Variants in KCTD1 observed in about 807,000 individuals in gnomAD.
KCTD1 encodes the protein potassium channel tetramerization domain containing 1.
In KCTD1, 24 loss-of-function variants were observed where a neutral mutation model predicts 66.0. The observed-to-expected ratio is 0.36, with a 90% confidence interval of 0.26 to 0.51. The LOEUF is 0.51. KCTD1 is among the 20% of genes least tolerant of loss of function. The pLI is 0.95. For missense variants in KCTD1, 943 were observed against 1,205.2 expected (o/e 0.78, Z 3.22); for synonymous variants, 511 against 517.2 (o/e 0.99, Z 0.16).
chr18:26,474,852 CT>C (rs1309686502), intron 3 of KCTD1, among the ~76,000 whole-genome samples: 3 of 151,986 alleles, frequency 2.0e-5, no homozygotes, highest in African/African-American at 7.3e-5. Flanking sequence ...TTAGAAATTT[CT>C]TTGTATTTTT....
chr18:26,545,080 T>C (rs1281909541), intron 1 of KCTD1: 1 of 152,216 alleles, frequency 6.6e-6, no homozygotes, highest in African/African-American at 2.4e-5. Flanking sequence ...TTATATTTTG[T>C]GGTTCTTTAC....
At chr18:26,587,588 A>T (rs1243261165) in intron 1 of KCTD1, among the ~76,000 whole-genome samples, 2 of 152,236 alleles carry the variant, frequency 1.3e-5, no homozygotes, top group African/African-American at 4.8e-5. Context: ...AAGTAAACTG[A>T]AAATATTCTG....
chr18:26,625,688 T>C (rs1203934121), intron 1 of KCTD1, among the ~76,000 whole-genome samples: 1 of 152,242 alleles, frequency 6.6e-6, no homozygotes, highest in African/African-American at 2.4e-5. Context: ...TGTTGTAATG[T>C]CCTATAACAT....
At chr18:26,535,252 G>A (rs1434028575) in intron 1 of KCTD1, among the ~76,000 whole-genome samples, 3 of 152,130 alleles carry the variant, frequency 2.0e-5, no homozygotes, top group African/African-American at 7.2e-5. Flanking sequence ...AACTGCATCA[G>A]AACTGCATTC....
chr18:26,633,277 T>C (rs997643958), upstream of KCTD1, among the ~76,000 whole-genome samples: 5 of 152,118 alleles, frequency 3.3e-5, no homozygotes, highest in Non-Finnish European at 7.4e-5. Context: ...TGAAATAAAG[T>C]AAAATTAAAT....
intron 1 of KCTD1, chr18:26,600,102 G>A: frequency 6.2e-7 from 1 of 1,610,856 alleles, no homozygotes. Context: ...CTTCCCTGCA[G>A]GCTGCTTCTT....
intron 3 of KCTD1, among the ~76,000 whole-genome samples, chr18:26,467,376 T>G (rs937490780): frequency 1.3e-5 from 2 of 151,872 alleles, no homozygotes; most frequent in African/African-American, 4.8e-5. Context: ...ACTAGCTGAG[T>G]GTGGTGGTGC....
At chr18:26,613,891 C>T (rs1987190850) in intron 1 of KCTD1, among the ~76,000 whole-genome samples, 2 of 152,212 alleles carry the variant, frequency 1.3e-5, no homozygotes, top group African/African-American at 4.8e-5. Flanking sequence ...CAGATATTTA[C>T]ATGGCTCACC....
intron 1 of KCTD1, among the ~76,000 whole-genome samples, chr18:26,569,592 G>A (rs1007335546): frequency 1.1e-4 from 17 of 152,174 alleles, no homozygotes; most frequent in Admixed American, 3.9e-4. Context: ...TGGGGGGTGC[G>A]GGGTGCACAT....
intron 1 of KCTD1, among the ~76,000 whole-genome samples, chr18:26,638,445 G>A (rs1176144913): frequency 1.3e-5 from 2 of 152,248 alleles, no homozygotes; most frequent in Non-Finnish European, 2.9e-5. Context: ...CAAGAGATCT[G>A]CTGGCTGTTC....
At chr18:26,605,253 A>G (rs773030354) in intron 1 of KCTD1, among the ~76,000 whole-genome samples, 2 of 152,164 alleles carry the variant, frequency 1.3e-5, no homozygotes, top group Non-Finnish European at 2.9e-5. Flanking sequence ...GCTGTCTACA[A>G]TCGAGGGTCT....
intron 3 of KCTD1, among the ~76,000 whole-genome samples, chr18:26,472,394 T>C (rs1981117894): frequency 1.3e-5 from 2 of 152,106 alleles, no homozygotes; most frequent in South Asian, 4.1e-4. Flanking sequence ...ACTTCTTTTT[T>C]GACAACTTTA....
At chr18:26,581,413 A>G (rs929770015) in intron 1 of KCTD1, 1 of 152,176 alleles carries the variant, frequency 6.6e-6, no homozygotes. Flanking sequence ...ACACACCATC[A>G]TGCCTGGCTA....
chr18:26,562,025 A>G (rs1470188485), intron 1 of KCTD1, among the ~76,000 whole-genome samples: 1 of 152,146 alleles, frequency 6.6e-6, no homozygotes, highest in African/African-American at 2.4e-5. Flanking sequence ...ATAGTTAATC[A>G]GCCCTGTCTT....
chr18:26,461,785 CA>C (rs1267318907), intron 3 of KCTD1, among the ~76,000 whole-genome samples: 1 of 152,152 alleles, frequency 6.6e-6, no homozygotes, highest in African/African-American at 2.4e-5. Context: ...GATTTAATTA[CA>C]AAACTTAGCA....
At chr18:26,488,618 A>G (rs1982035124) in intron 2 of KCTD1, among the ~76,000 whole-genome samples, 1 of 152,230 alleles carries the variant, frequency 6.6e-6, no homozygotes, top group South Asian at 2.1e-4. Flanking sequence ...CCCTTCAGCT[A>G]TGAAGCCCTC....
intron 1 of KCTD1, among the ~76,000 whole-genome samples, chr18:26,612,502 C>T (rs965664947): frequency 7.9e-5 from 12 of 152,126 alleles, no homozygotes; most frequent in East Asian, 1.9e-4. Flanking sequence ...TGGACAGAGA[C>T]GTGTACAGAT....
chr18:26,506,313 C>T (rs555402891), intron 1 of KCTD1, among the ~76,000 whole-genome samples: 12 of 152,264 alleles, frequency 7.9e-5, no homozygotes, highest in African/African-American at 2.6e-4. Flanking sequence ...ATGAAACATG[C>T]GACTACAATC....
intron 1 of KCTD1, chr18:26,599,369 T>C (rs1395559512): frequency 6.3e-7 from 1 of 1,593,906 alleles, no homozygotes; most frequent in Non-Finnish European, 8.5e-7. Context: ...CTCTTTTGGC[T>C]AGCAGTTTTT....
Sources: gnomAD v4.1 joint callset for allele counts (sites outside exome capture counted in the v4.1 genomes callset) on GRCh38, gnomAD v4.1.1 for gene constraint, MANE v1.5 for transcripts, NCBI Gene and HGNC (gene_info 2026-07-23, HGNC 2026-07-21) for gene names.